Variants in COL8A2 observed in about 807,000 individuals in gnomAD.
COL8A2 encodes the protein collagen type VIII alpha 2 chain.
In COL8A2, 16 loss-of-function variants were observed where a neutral mutation model predicts 24.0. That is an observed-to-expected ratio of 0.67 (90% CI 0.45 to 1.01). The LOEUF is 1.01. COL8A2 is among the 50% of genes least tolerant of loss of function. The probability of loss-of-function intolerance (pLI) is 0.00; values close to 1 mark genes in which losing one functional copy is unlikely to be tolerated. For synonymous variants in COL8A2, 466 were observed against 424.5 expected (o/e 1.10, Z -1.20); for missense variants, 818 against 942.4 (o/e 0.87, Z 1.73).
rs78035988 is a variant in COL8A2, at chr1:36,113,902, C to T, written c.-17+1806G>A. On this transcript the variant is annotated intron_variant, in intron 2 of 3. Coordinates refer to ENST00000397799, the MANE Select transcript of COL8A2 (RefSeq NM_005202.4). ...CCCACGGGGGCAGGTGATGGTGGGA[C>T]GGTCCAAGCTGAAATCAGAGCAAAT... Among the ~76,000 whole-genome samples the T allele has an allele frequency of 2.3e-3, 349 of 152,258 alleles. 3 individuals carry two copies. The highest frequency in any genetic ancestry group is 7.1e-3 in the African/African-American group (294 of 41,552).
In COL8A2 at chr1:36,115,730, G is replaced by A. The variant is rs1643875895; in HGVS notation, c.-39C>T. ...TACCTTTCAGGTCGGAGGGGCCTGG[G>A]AAGGTTCCAGCAGAGGCAGGGCCTG... On this transcript the variant is annotated 5_prime_UTR_variant, in exon 2 of 4. Transcript: ENST00000397799. This position sits in a 1 kb window ranked among gnomAD's most constrained non-coding sequence, Gnocchi z 5.7. 1.6e-5 allele frequency: 16 copies of A among 985,516 alleles called. No homozygotes were observed. Among genetic ancestry groups the A allele is most frequent in the Non-Finnish European group, 1.9e-5 (16 of 830,058 alleles). 61.0% of individuals were successfully genotyped at this position (985,516 alleles called of 1,614,324 possible). A position where few individuals can be genotyped will look rare whatever the true frequency, so the allele number is the denominator to read the frequency against.
chr1:36,113,840 G>A (rs191000883), intron 2 of COL8A2, among the ~76,000 whole-genome samples: 268 of 152,322 alleles, frequency 1.8e-3, no homozygotes, highest in African/African-American at 6.1e-3. Context: ...AAGTAGCATC[G>A]GAAGGAGGCT....
At chr1:36,113,855 G>GGAGAGAT (rs1643866765) in intron 2 of COL8A2, among the ~76,000 whole-genome samples, 1 of 152,212 alleles carries the variant, frequency 6.6e-6, no homozygotes, top group Non-Finnish European at 1.5e-5. Context: ...GAGGCTTGAA[G>GGAGAGAT]GAGAGATCAG....
chr1:36,115,820 G>A lies in COL8A2; in HGVS notation c.-61-68C>T, dbSNP rs751455123. 1.3e-4 allele frequency: 114 copies of A among 897,450 alleles called. No homozygotes were observed. Among genetic ancestry groups the A allele is most frequent in the Non-Finnish European group, 1.4e-4 (104 of 749,822 alleles). The allele number at this position is 897,450 out of a possible 1,614,324, so 55.6% of individuals were successfully genotyped here. A position where few individuals can be genotyped will look rare whatever the true frequency, so the allele number is the denominator to read the frequency against. On this transcript the variant is annotated intron_variant, in intron 1 of 3. Coordinates refer to ENST00000397799, the MANE Select transcript of COL8A2 (RefSeq NM_005202.4). This position sits in a 1 kb window ranked among gnomAD's most constrained non-coding sequence, Gnocchi z 5.7. ...CTCAAGCTTGTAATCCCAGCACTTT[G>A]GGAGGCTAAGGTGGGAAGACTGCTT...
chr1:36,097,587 G>A lies in COL8A2; in HGVS notation c.2094C>T (p.Phe698=). 1 of 1,609,384 alleles carries A rather than the reference G, an allele frequency of 6.2e-7. No homozygotes were observed. The highest frequency in any genetic ancestry group is 8.5e-7 in the Non-Finnish European group (1 of 1,177,282). ...CCGCGGGTTATGTGGGGCAGAGCAA[G>A]AATCCTGAAAAGGAGGAGTGGATGT... The part of the protein sequence containing the change: ...TEYIHSSFSG[F]LLCPT The change falls in exon 4 of 4, where the codon TTC becomes TTT. Residue 698 remains phenylalanine (F), a synonymous_variant. Transcript: ENST00000397799.
intron 1 of COL8A2, among the ~76,000 whole-genome samples, chr1:36,122,804 G>A (rs1328372832): frequency 6.6e-6 from 1 of 151,972 alleles, no homozygotes; most frequent in African/African-American, 2.4e-5. Context: ...ATCATTCGCA[G>A]CTCACACCCT....
At chr1:36,118,994 T>G (rs955879186) in intron 1 of COL8A2, among the ~76,000 whole-genome samples, 2 of 152,228 alleles carry the variant, frequency 1.3e-5, no homozygotes, top group Non-Finnish European at 2.9e-5. Flanking sequence ...GGGCCTCAGC[T>G]TCTTCATCAA....
intron 2 of COL8A2, among the ~76,000 whole-genome samples, chr1:36,102,448 G>GT (rs1292944820): frequency 6.6e-6 from 1 of 151,346 alleles, no homozygotes; most frequent in African/African-American, 2.4e-5. Context: ...CCACAGGCAC[G>GT]TGCCACCATG....
intron 1 of COL8A2, among the ~76,000 whole-genome samples, chr1:36,119,981 T>C (rs1359307720): frequency 6.6e-6 from 1 of 152,062 alleles, no homozygotes; most frequent in Non-Finnish European, 1.5e-5. Flanking sequence ...GACCCCCAGC[T>C]CAGGCCCCGC....
In COL8A2 at chr1:36,100,228, C is replaced by G. The variant is rs377302776; in HGVS notation, c.15G>C (p.Leu5=). The G allele has an allele frequency of 2.0e-5, 31 of 1,566,040 alleles. No homozygotes were observed. Among genetic ancestry groups the G allele is most frequent in the Non-Finnish European group, 2.6e-5 (30 of 1,157,610 alleles). MLGT[L]TPLSSLLLLL... ...GCAGCAGCAGCGAAGACAGGGGTGT[C>G]AGAGTCCCCAGCATGGCGTCCGTGG... The change falls in exon 3 of 4, where the codon CTG becomes CTC. Residue 5 remains leucine (L), a synonymous_variant. Transcript: ENST00000397799.
At chr1:36,114,318 C>CAA (rs57876657) in intron 2 of COL8A2, among the ~76,000 whole-genome samples, 84,548 of 115,116 alleles carry the variant, frequency 0.73, 32,897 homozygotes, top group Non-Finnish European at 0.87. Context: ...GACTCCATCT[C>CAA]AAAAAAAAAA....
chr1:36,102,664 G>GT (rs201487516), intron 2 of COL8A2, among the ~76,000 whole-genome samples: 9,040 of 93,900 alleles, frequency 0.096, 1,776 homozygotes, highest in African/African-American at 0.23. Flanking sequence ...TATAAAGCTG[G>GT]TTTTTTGTTT....
chr1:36,112,071 T>C (rs1454900465), intron 2 of COL8A2, among the ~76,000 whole-genome samples: 1 of 152,154 alleles, frequency 6.6e-6, no homozygotes, highest in Non-Finnish European at 1.5e-5. Flanking sequence ...TGACGCGATC[T>C]TGGCTCACTG....
At chr1:36,116,616 C>A (rs1489902559) in intron 1 of COL8A2, among the ~76,000 whole-genome samples, 1 of 152,244 alleles carries the variant, frequency 6.6e-6, no homozygotes, top group Non-Finnish European at 1.5e-5. Context: ...GCAGGGAATA[C>A]TGCCGACTTA....
chr1:36,113,111 AC>A (rs1231629268), intron 2 of COL8A2, among the ~76,000 whole-genome samples: 1 of 151,996 alleles, frequency 6.6e-6, no homozygotes, highest in Non-Finnish European at 1.5e-5. Context: ...GGAGGCACAC[AC>A]TCTAGGTCTA....
chr1:36,106,141 G>C (rs897586796), intron 2 of COL8A2, among the ~76,000 whole-genome samples: 5 of 151,968 alleles, frequency 3.3e-5, no homozygotes, highest in Admixed American at 2.0e-4. Flanking sequence ...CATGGTGGCT[G>C]TGATTCCAGC....
chr1:36,103,102 C>T (rs1159957114), intron 2 of COL8A2, among the ~76,000 whole-genome samples: 1 of 152,134 alleles, frequency 6.6e-6, no homozygotes, highest in Non-Finnish European at 1.5e-5. Context: ...CCCACCTCAT[C>T]CTCCCAAGTA....
intron 2 of COL8A2, among the ~76,000 whole-genome samples, chr1:36,107,840 C>T (rs958019359): frequency 3.9e-5 from 6 of 152,114 alleles, no homozygotes; most frequent in South Asian, 2.1e-4. Flanking sequence ...CATGCCGGGC[C>T]TCCCTGGGGC....
Position 36,098,574 on chromosome 1 carries a change from A to G in COL8A2, c.1107T>C (p.Pro369=), listed in dbSNP as rs374692308. The stretch of plus-strand genomic sequence containing the variant: ...TAGGCCCAGGGGGCCCACGTCTGCC[A>G]GGAAGCCCTGCAGACCCAGGAAGTC... ...PPGLPGSAGL[P]GRRGPPGPKG... is the part of the protein sequence containing the mutation. Residue 369 remains proline, a synonymous_variant, in exon 4 of 4, where the codon CCT becomes CCC. Transcript: ENST00000397799. The G allele has an allele frequency of 6.8e-6, 11 of 1,608,274 alleles. No individual in the cohort carries two copies. In the African/African-American group the frequency reaches 9.4e-5, roughly 14 times the overall value.
Sources: gnomAD v4.1 joint callset for allele counts (sites outside exome capture counted in the v4.1 genomes callset) on GRCh38, gnomAD v4.1.1 for gene constraint, Gnocchi (gnomAD v3.1) non-coding constraint, MANE v1.5 for transcripts, NCBI Gene and HGNC (gene_info 2026-07-23, HGNC 2026-07-21) for gene names.